NCAPH: variants seen among roughly 807,000 people sequenced by gnomAD.
NCAPH encodes the protein non-SMC condensin I complex subunit H, also known as condensin complex subunit 2.
A neutral mutation model predicts 85.5 loss-of-function variants in NCAPH; 38 were observed. That is an observed-to-expected ratio of 0.44 (90% CI 0.34 to 0.58). The LOEUF (loss-of-function observed/expected upper bound fraction) is 0.58. Among genes scored for constraint, NCAPH ranks in the 20% least tolerant of loss-of-function variants. NCAPH has a pLI of 0.01. For missense variants in NCAPH, 789 were observed against 916.6 expected, an observed-to-expected ratio of 0.86 and a Z score of 1.80; for synonymous variants, 301 against 335.1, an observed-to-expected ratio of 0.90 and a Z score of 1.11.
At chr2:96,369,531 A>C in intron 17 of NCAPH, 31 bp downstream of exon 17, 1 of 1,577,156 alleles carries the variant, frequency 6.3e-7, no homozygotes, top group Non-Finnish European at 8.7e-7. Context: ...TGGGAGTATT[A>C]GAGTATTCCC....
At chr2:96,361,818 A>ATG (rs563435301) in intron 12 of NCAPH, among the ~76,000 whole-genome samples, 18,335 of 106,614 alleles carry the variant, frequency 0.17, 1,520 homozygotes, top group East Asian at 0.41. Context: ...ATATATATAT[A>ATG]TATATATATA....
chr2:96,360,669 G>GT lies in NCAPH; in HGVS notation c.1548dup (p.Asp517Ter). The GT allele has an allele frequency of 6.2e-7, 1 of 1,614,162 alleles. No individual in the cohort carries two copies. The highest frequency in any genetic ancestry group is 8.5e-7 in the Non-Finnish European group (1 of 1,180,026). On this transcript the variant is annotated frameshift_variant, in exon 12 of 18. Transcript: ENST00000240423. LOFTEE classifies it high-confidence loss of function. ...CCTTCCTACAGATTTCAACTACAATGTTGACACTCTGGTCCAGCTTCACCT... is the reference window on the plus strand; with the variant it reads ...CCTTCCTACAGATTTCAACTACAATGTTTGACACTCTGGTCCAGCTTCACCT...
At chr2:96,340,307 T>C (rs1573061930) in intron 1 of NCAPH, among the ~76,000 whole-genome samples, 2 of 152,002 alleles carry the variant, frequency 1.3e-5, no homozygotes, top group East Asian at 3.9e-4. Flanking sequence ...GTGTATCTCA[T>C]CTGGAACTTT....
chr2:96,362,156 G>T (rs888601113), intron 12 of NCAPH, among the ~76,000 whole-genome samples: 3 of 151,874 alleles, frequency 2.0e-5, no homozygotes, highest in Non-Finnish European at 4.4e-5. Flanking sequence ...GGGGCCTGAG[G>T]CTATAGTAAG....
rs747265279 is a variant in NCAPH, at chr2:96,341,724, C to T, written c.102C>T (p.Phe34=). ...HSASSPSERV[F]PMPLPRKAPL... is the part of the protein sequence containing the mutation. ...CCTCCTCTCCTTCAGAGCGTGTGTT[C>T]CCGATGCCCCTGCCCAGGAAGGCGC... Residue 34 remains phenylalanine (F), a synonymous_variant, in exon 2 of 18, where the codon TTC becomes TTT. Transcript: ENST00000240423. 4.3e-6 allele frequency: 7 copies of T among 1,614,232 alleles called. No individual in the cohort carries two copies. Among genetic ancestry groups the T allele is most frequent in the Non-Finnish European group, 5.1e-6 (6 of 1,180,042 alleles).
intron 1 of NCAPH, among the ~76,000 whole-genome samples, chr2:96,340,482 C>G (rs2104417511): frequency 6.6e-6 from 1 of 150,930 alleles, no homozygotes; most frequent in East Asian, 2.0e-4. Flanking sequence ...CCTCTGTCTC[C>G]CGGGTTCAAG....
intron 1 of NCAPH, among the ~76,000 whole-genome samples, chr2:96,336,130 G>C (rs1400161075): frequency 3.9e-5 from 6 of 152,158 alleles, no homozygotes; most frequent in African/African-American, 1.4e-4. Context: ...CGGTGGGGCG[G>C]CCTCCTCCTT....
chr2:96,359,494 G>A (rs2064574651), intron 10 of NCAPH: 3 of 379,092 alleles, frequency 7.9e-6, no homozygotes, highest in Middle Eastern at 7.3e-4. Context: ...GGGTGGGCAT[G>A]ACCCCCGGGC....
In NCAPH at chr2:96,359,118, T is replaced by A; in HGVS notation, c.1282T>A (p.Tyr428Asn). The A allele has an allele frequency of 6.2e-7, 1 of 1,614,172 alleles. No homozygotes were observed. Among genetic ancestry groups the A allele is most frequent in the Non-Finnish European group, 8.5e-7 (1 of 1,180,034 alleles). ...CPLLSMKPGE[Y>N]SYFSPRTMSM... Reference sequence around the variant, plus strand: ...CCTTCTGTCTATGAAACCTGGAGAATATTCTTATTTCAGTCCTCGGACCAT... The same window carrying A: ...CCTTCTGTCTATGAAACCTGGAGAAAATTCTTATTTCAGTCCTCGGACCAT... Residue 428 changes from tyrosine (Y) to asparagine (N), a missense_variant, in exon 10 of 18, where the codon TAT becomes AAT. By Grantham distance (143) the Tyr-to-Asn change is moderately radical. Coordinates refer to ENST00000240423, the MANE Select transcript of NCAPH (RefSeq NM_015341.5).
chr2:96,338,386 A>G (rs569795086), intron 1 of NCAPH, among the ~76,000 whole-genome samples: 5 of 152,140 alleles, frequency 3.3e-5, no homozygotes, highest in Admixed American at 3.3e-4. Flanking sequence ...TACAAAGGCA[A>G]CCTCTTTGCC....
Position 96,372,160 on chromosome 2 carries a change from G to C in NCAPH, c.2167-1132G>C, listed in dbSNP as rs2064783000. Among the ~76,000 whole-genome samples the C allele has an allele frequency of 1.1e-4, 17 of 152,358 alleles. 2 individuals carry two copies. In the South Asian group the frequency reaches 3.5e-3, roughly 32 times the overall value. The stretch of plus-strand genomic sequence containing the variant: ...GTTGTGGTGAAGTTCGTCAGGAAAG[G>C]TCTCATAGCTGCTTAGTCCTGAGGG... On this transcript the variant is annotated intron_variant, in intron 17 of 17. Transcript: ENST00000240423.
Position 96,373,415 on chromosome 2 carries a change from G to T in NCAPH, c.*64G>T, listed in dbSNP as rs1295075183. ...TTACTCAGTTGCCGGGACATCCCCA[G>T]TCTCGGGGGAAGAAGATGCCATGGG... On this transcript the variant is annotated 3_prime_UTR_variant, in exon 18 of 18. Coordinates refer to ENST00000240423, the MANE Select transcript of NCAPH (RefSeq NM_015341.5). 1.3e-6 allele frequency: 2 copies of T among 1,495,966 alleles called. No homozygotes were observed. Among genetic ancestry groups the T allele is most frequent in the African/African-American group, 2.8e-5 (2 of 72,248 alleles). 92.7% of individuals were successfully genotyped at this position (1,495,966 alleles called of 1,614,324 possible). A position where few individuals can be genotyped will look rare whatever the true frequency, so the allele number is the denominator to read the frequency against.
intron 15 of NCAPH, 97 bp downstream of exon 15, chr2:96,367,470 A>G (rs957029485): frequency 1.2e-6 from 1 of 807,416 alleles, no homozygotes; most frequent in Non-Finnish European, 2.0e-6. Context: ...CAATGCCTCC[A>G]ATACAGAAAT....
rs12464811 is a variant in NCAPH at position 96,373,420 on chromosome 2, G to A, written c.*69G>A. ...CAGTTGCCGGGACATCCCCAGTCTCGGGGGAAGAAGATGCCATGGGCTTAT... is the reference window on the plus strand; with the variant it reads ...CAGTTGCCGGGACATCCCCAGTCTCAGGGGAAGAAGATGCCATGGGCTTAT... On this transcript the variant is annotated 3_prime_UTR_variant, in exon 18 of 18. Transcript: ENST00000240423. The A allele has an allele frequency of 9.5e-3, 13,875 of 1,462,704 alleles. 1,021 individuals are homozygous for A. In the Admixed American group the frequency reaches 0.15, roughly 16 times the overall value. The allele number at this position is 1,462,704 out of a possible 1,614,324, so 90.6% of individuals were successfully genotyped here.
rs2064715063 is a variant in NCAPH, at chr2:96,367,384, C to T, written c.1998+11C>T. On this transcript the variant is annotated intron_variant, in intron 15 of 17. Coordinates refer to ENST00000240423, the MANE Select transcript of NCAPH (RefSeq NM_015341.5). ...GAGGCAGATGCAGAGGTCAGATGCT[C>T]TTGCCTGTTCTCTAGGTGCCCAGCA... The T allele has an allele frequency of 1.9e-6, 3 of 1,592,686 alleles. No homozygotes were observed. The highest frequency in any genetic ancestry group is 1.3e-5 in the African/African-American group (1 of 74,408).
intron 1 of NCAPH, 42 bp downstream of exon 1, chr2:96,335,890 G>T: frequency 1.4e-6 from 2 of 1,437,836 alleles, no homozygotes; most frequent in Non-Finnish European, 1.8e-6. Context: ...AGGGCCCCTA[G>T]CGAAGCAGTA....
chr2:96,352,544 TCCA>T (rs2064459087), intron 7 of NCAPH, among the ~76,000 whole-genome samples: 1 of 152,182 alleles, frequency 6.6e-6, no homozygotes, highest in African/African-American at 2.4e-5. Flanking sequence ...CATATACGCC[TCCA>T]CGCCTGAGTT....
chr2:96,361,691 T>C (rs1057500211), intron 12 of NCAPH, among the ~76,000 whole-genome samples: 6 of 149,870 alleles, frequency 4.0e-5, no homozygotes, highest in African/African-American at 1.5e-4. Context: ...TCTCATGGAG[T>C]GTATTAAGAC....
At chr2:96,343,403 T>G (rs925680004) in intron 5 of NCAPH, 99 bp downstream of exon 5, 1 of 1,396,584 alleles carries the variant, frequency 7.2e-7, no homozygotes, top group African/African-American at 1.4e-5. Flanking sequence ...AAATAAGTGA[T>G]CTCATTTTAT....
Sources: allele counts gnomAD v4.1 joint callset (sites outside exome capture counted in the v4.1 genomes callset), GRCh38; gene constraint gnomAD v4.1.1; transcripts MANE v1.5; gene names NCBI Gene and HGNC (gene_info 2026-07-23, HGNC 2026-07-21).